Variants in CAND1 observed in about 807,000 individuals in gnomAD.
CAND1 encodes the protein cullin associated and neddylation dissociated 1, also known as cullin-associated NEDD8-dissociated protein 1.
In CAND1, 7 loss-of-function variants were observed where a neutral mutation model predicts 108.5. That is an observed-to-expected ratio of 0.06 (90% CI 0.04 to 0.12). The LOEUF (loss-of-function observed/expected upper bound fraction) is 0.12. Among genes scored for constraint, CAND1 ranks in the 10% least tolerant of loss-of-function variants. The pLI, the probability that CAND1 is intolerant of heterozygous loss-of-function variation, is 1.00. For synonymous variants in CAND1, 534 were observed against 512.0 expected (o/e 1.04, Z -0.58); for missense variants, 941 against 1,448.7 (o/e 0.65, Z 5.69).
At chr12:67,302,277 C>T in intron 7 of CAND1, 46 bp from the exon 8 acceptor site, 6 of 1,512,510 alleles carry the variant, frequency 4.0e-6, no homozygotes, top group Non-Finnish European at 5.4e-6. Flanking sequence ...AAATGATATA[C>T]TTCTCTTGTC....
In CAND1 at chr12:67,269,615, C is replaced by A; in HGVS notation, c.-103C>A. The A allele has an allele frequency of 9.9e-7, 1 of 1,005,328 alleles. No individual in the cohort carries two copies. The highest frequency in any genetic ancestry group is 1.5e-6 in the Non-Finnish European group (1 of 680,400). 62.3% of individuals were successfully genotyped at this position (1,005,328 alleles called of 1,614,324 possible). On this transcript the variant is annotated 5_prime_UTR_variant, in exon 1 of 15. Coordinates refer to ENST00000545606, the MANE Select transcript of CAND1 (RefSeq NM_018448.5). The stretch of plus-strand genomic sequence containing the variant: ...CGCGCTGCGACCCTGGAAGCGGGAG[C>A]CGCCGCGAGCGAGAGGAGGAGCTCC...
intron 2 of CAND1, among the ~76,000 whole-genome samples, chr12:67,285,924 G>C (rs1459762602): frequency 6.6e-6 from 1 of 152,134 alleles, no homozygotes; most frequent in Non-Finnish European, 1.5e-5. Flanking sequence ...TTTCTTTCAT[G>C]GATTTGACTA....
chr12:67,291,384 G>A (rs1565720539), intron 2 of CAND1, among the ~76,000 whole-genome samples: 1 of 152,154 alleles, frequency 6.6e-6, no homozygotes, highest in East Asian at 1.9e-4. Context: ...CAAGGGCAGT[G>A]GAAATTCTTT....
At chr12:67,296,168 A>C (rs775813108) in intron 4 of CAND1, among the ~76,000 whole-genome samples, 6 of 152,222 alleles carry the variant, frequency 3.9e-5, no homozygotes, top group Non-Finnish European at 7.3e-5. Flanking sequence ...TGATAAACTG[A>C]AAATTCAGAC....
chr12:67,316,155 G>A lies in CAND1; in HGVS notation c.*3325G>A, dbSNP rs1031807212. 1.8e-4 allele frequency: 27 copies of A among 152,124 alleles called. No individual in the cohort carries two copies. Among genetic ancestry groups the A allele is most frequent in the African/African-American group, 6.0e-4 (25 of 41,442 alleles). 9.4% of individuals were successfully genotyped at this position (152,124 alleles called of 1,614,324 possible). A position where few individuals can be genotyped will look rare whatever the true frequency, so the allele number is the denominator to read the frequency against. On this transcript the variant is annotated 3_prime_UTR_variant, in exon 15 of 15. Coordinates refer to ENST00000545606, the MANE Select transcript of CAND1 (RefSeq NM_018448.5). ...CCACTGCTACCCCAGATTCATACCT[G>A]TTTTTGAAATCTTGTTTATGGAATG...
At chr12:67,282,112 A>C in intron 2 of CAND1, 59 bp downstream of exon 2, 1 of 1,550,272 alleles carries the variant, frequency 6.5e-7, no homozygotes, top group Non-Finnish European at 8.8e-7. Context: ...TGTTTTTAAA[A>C]ACTCTATGAT....
intron 1 of CAND1, among the ~76,000 whole-genome samples, chr12:67,276,817 T>C (rs1032022232): frequency 6.6e-6 from 1 of 152,182 alleles, no homozygotes; most frequent in African/African-American, 2.4e-5. Context: ...GAGGCTGCTG[T>C]TTTTTTCTTT....
intron 2 of CAND1, among the ~76,000 whole-genome samples, chr12:67,284,751 T>TAC (rs1386043338): frequency 4.0e-5 from 6 of 150,978 alleles, no homozygotes; most frequent in South Asian, 2.2e-4. Context: ...CATGCACACA[T>TAC]ACACACACAC....
At chr12:67,274,949 T>C (rs2044555263) in intron 1 of CAND1, among the ~76,000 whole-genome samples, 1 of 152,198 alleles carries the variant, frequency 6.6e-6, no homozygotes, top group Non-Finnish European at 1.5e-5. Flanking sequence ...AGTGAAATTA[T>C]CTTAAGTACT....
At chr12:67,273,930 A>G (rs1190648655) in intron 1 of CAND1, among the ~76,000 whole-genome samples, 3 of 152,232 alleles carry the variant, frequency 2.0e-5, no homozygotes, top group Admixed American at 1.3e-4. Flanking sequence ...CAACTTTAGT[A>G]AAAGAGGATA....
chr12:67,275,151 A>G (rs1340475307), intron 1 of CAND1, among the ~76,000 whole-genome samples: 1 of 152,062 alleles, frequency 6.6e-6, no homozygotes, highest in Non-Finnish European at 1.5e-5. Context: ...CCACTGAGAA[A>G]GAGGAGGAAG....
intron 1 of CAND1, chr12:67,270,094 G>T: frequency 2.7e-6 from 1 of 369,816 alleles, no homozygotes; most frequent in Admixed American, 5.1e-5. Flanking sequence ...CTCAGGTAGC[G>T]CGAAGGGGCT....
chr12:67,289,636 C>T (rs1233943567), intron 2 of CAND1, among the ~76,000 whole-genome samples: 1 of 152,190 alleles, frequency 6.6e-6, no homozygotes, highest in African/African-American at 2.4e-5. Flanking sequence ...CTCAGTCTCC[C>T]AGAGTGCTCG....
In CAND1 at chr12:67,317,425, G is replaced by A; in HGVS notation, c.*4595G>A. 1 of 150,024 alleles carries A rather than the reference G, an allele frequency of 6.7e-6. No homozygotes were observed. Among genetic ancestry groups the A allele is most frequent in the Non-Finnish European group, 1.5e-5 (1 of 67,654 alleles). The allele number at this position is 150,024 out of a possible 1,614,324, so 9.3% of individuals were successfully genotyped here. ...CTGAGATTATTGCAAGTGCCTCCTT[G>A]CCCAGCCACATGTTGTTGATTTCTT... is the stretch of plus-strand genomic sequence containing the variant. On this transcript the variant is annotated 3_prime_UTR_variant, in exon 15 of 15. Coordinates refer to ENST00000545606, the MANE Select transcript of CAND1 (RefSeq NM_018448.5).
chr12:67,270,480 T>A (rs2044510134), intron 1 of CAND1: 1 of 152,256 alleles, frequency 6.6e-6, no homozygotes, highest in Non-Finnish European at 1.5e-5. Flanking sequence ...TTCAGTCTCA[T>A]GTCCTCATAT....
chr12:67,307,698 G>T (rs1295228286), intron 11 of CAND1, among the ~76,000 whole-genome samples: 1 of 152,012 alleles, frequency 6.6e-6, no homozygotes. Flanking sequence ...GCACATAAAT[G>T]AAGTTATAAT....
chr12:67,304,533 C>G, intron 8 of CAND1, 72 bp from the exon 9 acceptor site: 2 of 1,458,462 alleles, frequency 1.4e-6, no homozygotes, highest in Non-Finnish European at 9.4e-7. Context: ...TCCTCATTCT[C>G]CATAATTCAT....
At chr12:67,301,475 G>A (rs987499771) in intron 7 of CAND1, among the ~76,000 whole-genome samples, 1 of 152,098 alleles carries the variant, frequency 6.6e-6, no homozygotes, top group African/African-American at 2.4e-5. Context: ...CCACCTTTCT[G>A]ACTTCATATT....
rs765589539 is a variant in CAND1, at chr12:67,305,489, C to T, written c.1821C>T (p.Asp607=). 1 of 1,613,768 alleles carries T rather than the reference C, an allele frequency of 6.2e-7. No individual in the cohort carries two copies. Among genetic ancestry groups the T allele is most frequent in the South Asian group, 1.1e-5 (1 of 91,082 alleles). The change falls in exon 10 of 15, where the codon GAC becomes GAT. Residue 607 remains aspartate (D), a synonymous_variant. Coordinates refer to ENST00000545606, the MANE Select transcript of CAND1 (RefSeq NM_018448.5). The surrounding 1 kb of genome is among the most constrained non-coding windows in gnomAD (Gnocchi z 4.4). The part of the protein sequence containing the change: ...ICNLGDNLGS[D]LPNTLQIFLE... The stretch of plus-strand genomic sequence containing the variant: ...ACCTTGGAGACAATTTGGGTTCTGA[C>T]TTGCCTAATACACTTCAGATTTTCT...
Sources: allele counts gnomAD v4.1 joint callset (sites outside exome capture counted in the v4.1 genomes callset), GRCh38; gene constraint gnomAD v4.1.1; non-coding constraint Gnocchi (gnomAD v3.1); transcripts MANE v1.5; gene names NCBI Gene and HGNC (gene_info 2026-07-23, HGNC 2026-07-21).